DPYD: variants seen among roughly 807,000 people sequenced by gnomAD.
DPYD encodes dihydropyrimidine dehydrogenase [NADP(+)].
A neutral mutation model predicts 116.2 loss-of-function variants in DPYD; 109 were observed. The observed-to-expected ratio is 0.94, with a 90% CI of 0.80 to 1.10. DPYD has a LOEUF of 1.10. Among genes scored for constraint, DPYD ranks in the 50% least tolerant of loss-of-function variants. The pLI is 0.00. For missense variants in DPYD, 1,302 were observed against 1,254.5 expected, an observed-to-expected ratio of 1.04 and a Z score of -0.57; for synonymous variants, 440 against 432.0, an observed-to-expected ratio of 1.02 and a Z score of -0.23.
At chr1:97,102,613 T>C (rs925433510) in intron 20 of DPYD, among the ~76,000 whole-genome samples, 2 of 151,540 alleles carry the variant, frequency 1.3e-5, no homozygotes, top group Non-Finnish European at 2.9e-5. Context: ...AAGACATGTT[T>C]GCATATGACA....
intron 13 of DPYD, among the ~76,000 whole-genome samples, chr1:97,481,175 GA>G (rs2101880679): frequency 6.6e-6 from 1 of 152,258 alleles, no homozygotes; most frequent in African/African-American, 2.4e-5. Context: ...GTAATGATTT[GA>G]GAGGACGCTC....
intron 16 of DPYD, among the ~76,000 whole-genome samples, chr1:97,314,486 CT>C (rs1667696616): frequency 1.9e-5 from 2 of 103,644 alleles, no homozygotes; most frequent in Non-Finnish European, 3.8e-5. Flanking sequence ...GTCGCTAAAG[CT>C]TTCTTTTTTT....
chr1:97,559,664 G>A (rs1316374295), intron 11 of DPYD, among the ~76,000 whole-genome samples: 3 of 149,930 alleles, frequency 2.0e-5, no homozygotes, highest in South Asian at 4.2e-4. Flanking sequence ...CTTGTCAATC[G>A]TCAGTAGGCA....
intron 7 of DPYD, among the ~76,000 whole-genome samples, chr1:97,684,610 T>C (rs1352816578): frequency 6.7e-6 from 1 of 148,240 alleles, no homozygotes; most frequent in South Asian, 2.1e-4. Context: ...GGTAGACTAA[T>C]GAAGAAAAAA....
chr1:97,335,444 G>A (rs1038088356), intron 16 of DPYD, among the ~76,000 whole-genome samples: 6 of 152,008 alleles, frequency 3.9e-5, no homozygotes, highest in African/African-American at 1.4e-4. Context: ...AGAAATGATT[G>A]CAGGAGAACT....
intron 14 of DPYD, among the ~76,000 whole-genome samples, chr1:97,433,222 A>AG (rs1675280991): frequency 6.6e-6 from 1 of 151,988 alleles, no homozygotes; most frequent in Admixed American, 6.6e-5. Flanking sequence ...TGCTTGCCTT[A>AG]GGGGGGATAT....
intron 10 of DPYD, among the ~76,000 whole-genome samples, chr1:97,574,634 G>T (rs748281320): frequency 2.6e-5 from 4 of 151,928 alleles, no homozygotes; most frequent in African/African-American, 4.8e-5. Context: ...TGGATACCTC[G>T]GTTTCTGTTT....
intron 3 of DPYD, among the ~76,000 whole-genome samples, chr1:97,774,154 G>A (rs12406000): frequency 0.16 from 23,995 of 152,134 alleles, 2,223 homozygotes; most frequent in Non-Finnish European, 0.21. Flanking sequence ...CCACACCACC[G>A]TTGCATGCCC....
intron 3 of DPYD, among the ~76,000 whole-genome samples, chr1:97,806,512 CT>C (rs1321900094): frequency 6.6e-6 from 1 of 151,632 alleles, no homozygotes; most frequent in Non-Finnish European, 1.5e-5. Flanking sequence ...TACATACTTC[CT>C]TTTTTAGAAT....
At chr1:97,398,631 G>C (rs926234665) in intron 14 of DPYD, among the ~76,000 whole-genome samples, 12 of 151,974 alleles carry the variant, frequency 7.9e-5, no homozygotes, top group African/African-American at 1.7e-4. Flanking sequence ...TTTTAATGAT[G>C]GCCATTCTAA....
intron 3 of DPYD, among the ~76,000 whole-genome samples, chr1:97,823,862 GTCTTTT>G (rs1669093086): frequency 1.4e-5 from 1 of 73,910 alleles, no homozygotes; most frequent in Non-Finnish European, 2.5e-5. Flanking sequence ...AGACTACAAA[GTCTTTT>G]TTTTTTTTTT....
intron 8 of DPYD, among the ~76,000 whole-genome samples, chr1:97,653,429 C>T (rs1330465263): frequency 1.3e-5 from 2 of 151,734 alleles, no homozygotes; most frequent in Admixed American, 6.6e-5. Flanking sequence ...CTCAGCCTCC[C>T]GAGTAGCTGG....
At chr1:97,196,963 T>TTTCAATTTACCTTCTTACTTGTA (rs1240506154) in intron 19 of DPYD, among the ~76,000 whole-genome samples, 2 of 152,234 alleles carry the variant, frequency 1.3e-5, no homozygotes, top group African/African-American at 4.8e-5. Flanking sequence ...TTGTCAATGT[T>TTTCAATTTACCTTCTTACTTGTA]TTCAATTTAC....
chr1:97,285,656 G>GA (rs1361339016), intron 18 of DPYD, among the ~76,000 whole-genome samples: 3 of 150,874 alleles, frequency 2.0e-5, no homozygotes, highest in African/African-American at 7.3e-5. Context: ...ACAATTGGCT[G>GA]AAAGTCAACT....
chr1:97,503,067 C>A (rs1482781535), intron 13 of DPYD, among the ~76,000 whole-genome samples: 1 of 151,922 alleles, frequency 6.6e-6, no homozygotes, highest in Non-Finnish European at 1.5e-5. Context: ...CTATGAAAAC[C>A]ATAATTTAAA....
At chr1:97,184,050 A>C (rs1428367658) in intron 20 of DPYD, among the ~76,000 whole-genome samples, 1 of 152,050 alleles carries the variant, frequency 6.6e-6, no homozygotes, top group East Asian at 1.9e-4. Context: ...AGTTTGCTAA[A>C]AATAATGGCC....
chr1:97,508,518 T>C (rs761330674), intron 13 of DPYD, among the ~76,000 whole-genome samples: 1 of 151,978 alleles, frequency 6.6e-6, no homozygotes, highest in African/African-American at 2.4e-5. Flanking sequence ...AAAATTTCTG[T>C]GCAACTTTTA....
chr1:97,450,371 G>T, intron 13 of DPYD, 148 bp from the exon 14 acceptor site: 1 of 764,860 alleles, frequency 1.3e-6, no homozygotes, highest in Non-Finnish European at 2.0e-6. Context: ...AATTAGAATT[G>T]AACATAAACT....
At chr1:97,199,741 C>T (rs534857931) in intron 19 of DPYD, among the ~76,000 whole-genome samples, 1 of 152,028 alleles carries the variant, frequency 6.6e-6, no homozygotes, top group South Asian at 2.1e-4. Flanking sequence ...CTTGTTGATT[C>T]CCTTCTCCCT....
Sources: allele counts gnomAD v4.1 joint callset (sites outside exome capture counted in the v4.1 genomes callset), GRCh38; gene constraint gnomAD v4.1.1; transcripts MANE v1.5; gene names NCBI Gene and HGNC (gene_info 2026-07-23, HGNC 2026-07-21).